AKAP19: variants seen among roughly 807,000 people sequenced by gnomAD.
AKAP19 encodes the protein A-kinase anchoring protein 19.
At chr2:190,024,888 A>C in the AKAP19 span, among the ~76,000 whole-genome samples, 4 of 152,212 alleles carry the variant, frequency 2.6e-5, no homozygotes, top group Non-Finnish European at 4.4e-5. Context: ...ATAGCTGTCT[A>C]ATGCTAGTTG....
At chr2:190,169,460 A>G in the AKAP19 span, among the ~76,000 whole-genome samples, 1 of 152,246 alleles carries the variant, frequency 6.6e-6, no homozygotes, top group Admixed American at 6.5e-5. Flanking sequence ...AAGATACGGA[A>G]GATTAGGGCC....
chr2:190,174,182 C>G, the AKAP19 span, among the ~76,000 whole-genome samples: 88 of 152,288 alleles, frequency 5.8e-4, no homozygotes, highest in Non-Finnish European at 1.5e-4. Flanking sequence ...ACCCCCTTCC[C>G]CCACCGTGTC....
the AKAP19 span, among the ~76,000 whole-genome samples, chr2:190,081,221 C>G: frequency 6.6e-6 from 1 of 151,814 alleles, no homozygotes; most frequent in Non-Finnish European, 1.5e-5. Flanking sequence ...CCCATCCCCC[C>G]ATCCCCTGCC....
the AKAP19 span, among the ~76,000 whole-genome samples, chr2:190,077,349 A>G: frequency 6.6e-6 from 1 of 151,974 alleles, no homozygotes; most frequent in East Asian, 1.9e-4. Context: ...AGTTGGGATT[A>G]CAGGTGCCTG....
At chr2:189,952,045 C>G in the AKAP19 span, among the ~76,000 whole-genome samples, 4 of 152,184 alleles carry the variant, frequency 2.6e-5, no homozygotes, top group Non-Finnish European at 5.9e-5. Flanking sequence ...CCATATATTT[C>G]CTGGTCACTG....
chr2:190,044,499 T>G, the AKAP19 span, among the ~76,000 whole-genome samples: 1 of 152,084 alleles, frequency 6.6e-6, no homozygotes, highest in Admixed American at 6.5e-5. Context: ...AGTCCAAGGG[T>G]GTCAAGGGCA....
At chr2:190,070,791 A>T in the AKAP19 span, among the ~76,000 whole-genome samples, 1,106 of 152,266 alleles carry the variant, frequency 7.3e-3, 17 homozygotes, top group African/African-American at 0.026. Flanking sequence ...TATATTTTTT[A>T]AAAATCTCCA....
chr2:190,200,186 A>AGC, the AKAP19 span: 53 of 1,568,980 alleles, frequency 3.4e-5, no homozygotes, highest in Non-Finnish European at 4.4e-5. Context: ...TGGAGGTGCT[A>AGC]GTTTGAATAA....
chr2:190,185,158 G>C, the AKAP19 span, among the ~76,000 whole-genome samples: 1 of 152,252 alleles, frequency 6.6e-6, no homozygotes, highest in South Asian at 2.1e-4. Flanking sequence ...TCAGTGCACA[G>C]CACTTAACAC....
At chr2:189,933,319 C>T in the AKAP19 span, among the ~76,000 whole-genome samples, 1 of 152,226 alleles carries the variant, frequency 6.6e-6, no homozygotes, top group South Asian at 2.1e-4. Flanking sequence ...AAAATCAAAA[C>T]CGTGTACCTA....
the AKAP19 span, among the ~76,000 whole-genome samples, chr2:189,893,263 G>T: frequency 8.5e-5 from 13 of 152,314 alleles, no homozygotes; most frequent in Admixed American, 2.6e-4. Context: ...CACCACTGGG[G>T]TATGAAAGAA....
chr2:190,069,623 C>T, the AKAP19 span, among the ~76,000 whole-genome samples: 2,488 of 152,194 alleles, frequency 0.016, 24 homozygotes, highest in Middle Eastern at 0.034. Flanking sequence ...TTGCCTAAAG[C>T]GTAGTTTTCC....
At chr2:189,924,883 AAAAT>A in the AKAP19 span, among the ~76,000 whole-genome samples, 471 of 151,994 alleles carry the variant, frequency 3.1e-3, 1 homozygote, top group Middle Eastern at 0.014. Context: ...ACCAGGGGAA[AAAAT>A]AAATAAATAA....
the AKAP19 span, among the ~76,000 whole-genome samples, chr2:190,119,177 C>T: frequency 1.3e-5 from 2 of 152,138 alleles, no homozygotes; most frequent in South Asian, 2.1e-4. Flanking sequence ...TAAAATGACA[C>T]GGACACACAT....
At chr2:189,902,830 G>T in the AKAP19 span, among the ~76,000 whole-genome samples, 1 of 151,272 alleles carries the variant, frequency 6.6e-6, no homozygotes, top group African/African-American at 2.4e-5. Context: ...AATAAGGAAG[G>T]TTATCGGTTT....
At chr2:190,062,095 ACT>A in the AKAP19 span, 1 of 945,840 alleles carries the variant, frequency 1.1e-6, no homozygotes, top group East Asian at 2.5e-5. Context: ...AAAAAGAGAA[ACT>A]CTTTTCCTTT....
At chr2:189,977,843 A>G in the AKAP19 span, among the ~76,000 whole-genome samples, 179 of 152,354 alleles carry the variant, frequency 1.2e-3, no homozygotes, top group African/African-American at 4.2e-3. Flanking sequence ...AATGATTTGA[A>G]TTACAAATTT....
the AKAP19 span, among the ~76,000 whole-genome samples, chr2:189,950,283 C>G: frequency 6.6e-6 from 1 of 151,208 alleles, no homozygotes; most frequent in African/African-American, 2.4e-5. Flanking sequence ...CTGCCTCAGC[C>G]TCCCAAAGTG....
the AKAP19 span, among the ~76,000 whole-genome samples, chr2:190,050,498 C>T: frequency 6.6e-6 from 1 of 152,186 alleles, no homozygotes; most frequent in Non-Finnish European, 1.5e-5. Context: ...TTACTAATAA[C>T]ACTAGATATT....
Sources: gnomAD v4.1 joint callset for allele counts (sites outside exome capture counted in the v4.1 genomes callset) on GRCh38, gnomAD v4.1.1 for gene constraint, MANE v1.5 for transcripts, NCBI Gene and HGNC (gene_info 2026-07-23, HGNC 2026-07-21) for gene names.